Variants in VPS13A observed in about 807,000 individuals in gnomAD.
VPS13A encodes vacuolar protein sorting 13 homolog A.
A neutral mutation model predicts 390.9 loss-of-function variants in VPS13A; 264 were observed. That is an observed-to-expected ratio of 0.68 (90% CI 0.61 to 0.75). VPS13A has a LOEUF of 0.75. Ranked by LOEUF, VPS13A falls within the 30% of genes least tolerant of loss-of-function variation. VPS13A has a pLI of 0.00. For missense variants in VPS13A, 3,409 were observed against 3,733.9 expected (o/e 0.91, Z 2.27); for synonymous variants, 1,231 against 1,227.1 (o/e 1.00, Z -0.07).
intron 45 of VPS13A, among the ~76,000 whole-genome samples, chr9:77,331,736 A>C (rs1830285511): frequency 6.6e-6 from 1 of 151,980 alleles, no homozygotes; most frequent in African/African-American, 2.4e-5. Context: ...CTTTAAACAA[A>C]TTAGTCCCTA....
chr9:77,177,830 C>G, intron 1 of VPS13A, 26 bp downstream of exon 1: 1 of 1,591,714 alleles, frequency 6.3e-7, no homozygotes, highest in Non-Finnish European at 8.6e-7. Flanking sequence ...CCGCCGCTCC[C>G]CGGCCTCTCG....
Position 77,345,057 on chromosome 9 carries a change from A to G in VPS13A, c.7204A>G (p.Ile2402Val), listed in dbSNP as rs1831073220. 2 of 1,613,248 alleles carry G rather than the reference A, an allele frequency of 1.2e-6. No homozygotes were observed. The highest frequency in any genetic ancestry group is 1.7e-6 in the Non-Finnish European group (2 of 1,179,858). Residue 2402 changes from isoleucine (I) to valine (V), a missense_variant, in exon 52 of 72, where the codon ATT becomes GTT. Around this residue, in one of 5 missense-constraint regions of VPS13A, gnomAD observed 2,717 missense variants for 2,917.4 expected, o/e 0.93. Transcript: ENST00000360280. ...GAATTTGGCCGAGCATTCTACAGTTATTACATTTTTAGATTATCATGATGG... is the reference window on the plus strand; with the variant it reads ...GAATTTGGCCGAGCATTCTACAGTTGTTACATTTTTAGATTATCATGATGG... ...EVNLAEHSTV[I>V]TFLDYHDGAA...
At chr9:77,242,698 T>C (rs1410456913) in intron 19 of VPS13A, among the ~76,000 whole-genome samples, 1 of 151,888 alleles carries the variant, frequency 6.6e-6, no homozygotes, top group Non-Finnish European at 1.5e-5. Flanking sequence ...TACAAATTAA[T>C]CATATTGGAA....
At chr9:77,243,549 G>A (rs1256509702) in intron 19 of VPS13A, among the ~76,000 whole-genome samples, 1 of 152,160 alleles carries the variant, frequency 6.6e-6, no homozygotes. Flanking sequence ...GTCTCTGGCA[G>A]GAAAACAGAT....
chr9:77,266,461 TATTCTTTAAGA>T (rs1177368440), intron 23 of VPS13A, among the ~76,000 whole-genome samples: 1 of 152,198 alleles, frequency 6.6e-6, no homozygotes, highest in East Asian at 1.9e-4. Context: ...GAACTTGCTT[TATTCTTTAAGA>T]ATGTTGAATA....
At chr9:77,340,095 A>G in intron 48 of VPS13A, 83 bp from the exon 49 acceptor site, 1 of 1,413,192 alleles carries the variant, frequency 7.1e-7, no homozygotes, top group Non-Finnish European at 1.0e-6. Context: ...TATTTTGTTT[A>G]TGCTAAAAAG....
At chr9:77,201,192 A>T (rs903095490) in intron 2 of VPS13A, among the ~76,000 whole-genome samples, 173 bp from the exon 3 acceptor site, 1 of 152,120 alleles carries the variant, frequency 6.6e-6, no homozygotes, top group African/African-American at 2.4e-5. Context: ...TATGGATTTG[A>T]TAGTAATATT....
chr9:77,212,821 C>A, intron 7 of VPS13A, 148 bp from the exon 8 acceptor site: 1 of 826,426 alleles, frequency 1.2e-6, no homozygotes, highest in Non-Finnish European at 2.0e-6. Flanking sequence ...TTACTGTGGT[C>A]AGTTAGTATT....
rs992417812 is a variant in VPS13A, at chr9:77,217,773, C to CT, written c.755-2172dup. On this transcript the variant is annotated intron_variant, in intron 10 of 71. Coordinates refer to ENST00000360280, the MANE Select transcript of VPS13A (RefSeq NM_033305.3). ...TAGTGCTGTGGTAAACATACAAGCG[C>CT]TTTTTTTTTCTTTTTTTTTTTTGGA... Among the ~76,000 whole-genome samples the CT allele has an allele frequency of 1.0e-4, 15 of 144,396 alleles. 1 individual carries two copies. Among genetic ancestry groups the CT allele is most frequent in the Admixed American group, 3.4e-4 (5 of 14,594 alleles). 94.7% of individuals were successfully genotyped at this position (144,396 alleles called of 152,430 possible).
rs1292121031 is a variant in VPS13A at position 77,228,201 on chromosome 9, T to C, written c.1532T>C (p.Val511Ala). Reference protein sequence around the residue: ...LRENHQKPELVDIVIEEFSTL... With the variant: ...LRENHQKPELADIVIEEFSTL... ...GAAAATCATCAAAAACCTGAGCTGGTAGATATTGTAATAGAAGAATTTAGC... is the reference window on the plus strand; with the variant it reads ...GAAAATCATCAAAAACCTGAGCTGGCAGATATTGTAATAGAAGAATTTAGC... The change falls in exon 17 of 72, where the codon GTA becomes GCA. Residue 511 changes from valine (V) to alanine (A), a missense_variant. By Grantham distance (64) the Val-to-Ala change is moderately conservative. Around this residue, in one of 5 missense-constraint regions of VPS13A, gnomAD observed 2,717 missense variants for 2,917.4 expected, o/e 0.93. Coordinates refer to ENST00000360280, the MANE Select transcript of VPS13A (RefSeq NM_033305.3). The C allele has an allele frequency of 5.6e-6, 9 of 1,603,872 alleles. No homozygotes were observed. The highest frequency in any genetic ancestry group is 7.7e-6 in the Non-Finnish European group (9 of 1,174,780).
chr9:77,398,752 T>C (rs1834224482), intron 68 of VPS13A, among the ~76,000 whole-genome samples: 1 of 152,106 alleles, frequency 6.6e-6, no homozygotes, highest in Non-Finnish European at 1.5e-5. Context: ...ACCAGCAAGA[T>C]TTTGCTGTGC....
At chr9:77,180,602 G>T (rs1234200532) in intron 1 of VPS13A, among the ~76,000 whole-genome samples, 2 of 152,166 alleles carry the variant, frequency 1.3e-5, no homozygotes, top group African/African-American at 4.8e-5. Flanking sequence ...TGTATAAGGT[G>T]TGTGATATGT....
chr9:77,380,592 G>A (rs1833375577), intron 67 of VPS13A, among the ~76,000 whole-genome samples: 1 of 152,090 alleles, frequency 6.6e-6, no homozygotes, highest in Non-Finnish European at 1.5e-5. Flanking sequence ...TTACAGACAT[G>A]AGCCACCACA....
chr9:77,323,153 G>A lies in VPS13A; in HGVS notation c.5917G>A (p.Val1973Ile), dbSNP rs41289969. ...CACTGTAAGACACAGAGAGTCTGGC[G>A]TTGAAAGATCTATTGTTTGTCAAAT... The part of the protein sequence containing the change: ...LYTVRHRESG[V>I]ERSIVCQIDT... The change falls in exon 45 of 72, where the codon GTT becomes ATT. Residue 1973 changes from valine to isoleucine, a missense_variant. By Grantham distance (29) the Val-to-Ile change is conservative. Coordinates refer to ENST00000360280, the MANE Select transcript of VPS13A (RefSeq NM_033305.3). The A allele has an allele frequency of 0.011, 18,370 of 1,613,484 alleles. 127 individuals carry two copies. The highest frequency in any genetic ancestry group is 0.049 in the Middle Eastern group (295 of 6,060).
chr9:77,403,230 T>G lies in VPS13A; in HGVS notation c.9190-6T>G. The stretch of plus-strand genomic sequence containing the variant: ...TTTCTCATTGTCTCTCACTTTTTTC[T>G]TTTAGGTCATGGAAAATGGAAGATT... On this transcript the variant is annotated splice_polypyrimidine_tract_variant and splice_region_variant and intron_variant, in intron 68 of 71. Transcript: ENST00000360280. The G allele has an allele frequency of 6.2e-7, 1 of 1,606,786 alleles. No individual in the cohort carries two copies. The highest frequency in any genetic ancestry group is 8.5e-7 in the Non-Finnish European group (1 of 1,174,870).
chr9:77,317,721 G>T, intron 40 of VPS13A, 23 bp downstream of exon 40: 1 of 1,533,572 alleles, frequency 6.5e-7, no homozygotes, highest in South Asian at 1.2e-5. Context: ...ATAATCATTT[G>T]AATATTTAGT....
chr9:77,283,714 A>C (rs1005700990), intron 31 of VPS13A, 64 bp downstream of exon 31: 1 of 1,290,246 alleles, frequency 7.8e-7, no homozygotes, highest in Non-Finnish European at 1.1e-6. Flanking sequence ...AAGAGTGGTC[A>C]TAGGTATCAT....
chr9:77,394,267 A>G (rs1834029064), intron 68 of VPS13A, among the ~76,000 whole-genome samples: 1 of 150,164 alleles, frequency 6.7e-6, no homozygotes, highest in Non-Finnish European at 1.5e-5. Flanking sequence ...GGGTTTCACC[A>G]TGTTGCCCAA....
At chr9:77,237,012 C>T (rs1424123001) in intron 17 of VPS13A, among the ~76,000 whole-genome samples, 1 of 152,092 alleles carries the variant, frequency 6.6e-6, no homozygotes, top group South Asian at 2.1e-4. Context: ...GCCTCAGGCT[C>T]CCGAGTAGCT....
Sources: allele counts gnomAD v4.1 joint callset (sites outside exome capture counted in the v4.1 genomes callset), GRCh38; gene constraint gnomAD v4.1.1; regional missense constraint gnomAD v4.1.1; transcripts MANE v1.5; gene names NCBI Gene and HGNC (gene_info 2026-07-23, HGNC 2026-07-21).